JAKMIP2: variants seen among roughly 807,000 people sequenced by gnomAD.
JAKMIP2 encodes the protein janus kinase and microtubule interacting protein 2, also known as janus kinase and microtubule-interacting protein 2.
A neutral mutation model predicts 115.0 loss-of-function variants in JAKMIP2; 25 were observed. The ratio of observed to expected loss-of-function variants is 0.22; its 90% CI spans 0.16 to 0.30. JAKMIP2 has a LOEUF of 0.30. JAKMIP2 is among the 10% of genes least tolerant of loss of function. The probability of loss-of-function intolerance (pLI) is 1.00; values close to 1 mark genes in which losing one functional copy is unlikely to be tolerated. For missense variants in JAKMIP2, 642 were observed against 957.6 expected (o/e 0.67, Z 4.35); for synonymous variants, 334 against 343.6 (o/e 0.97, Z 0.31).
chr5:147,727,704 T>C (rs1753574280), intron 1 of JAKMIP2, among the ~76,000 whole-genome samples: 1 of 152,232 alleles, frequency 6.6e-6, no homozygotes, highest in Admixed American at 6.5e-5. Context: ...AAAAGGATTT[T>C]ATTTTTTAAG....
chr5:147,651,486 A>C (rs1236401576), intron 3 of JAKMIP2, among the ~76,000 whole-genome samples: 1 of 152,146 alleles, frequency 6.6e-6, no homozygotes, highest in Non-Finnish European at 1.5e-5. Flanking sequence ...ACTATATTCT[A>C]TGTGTACATT....
At chr5:147,686,501 G>A (rs1760579519) in intron 1 of JAKMIP2, among the ~76,000 whole-genome samples, 1 of 152,062 alleles carries the variant, frequency 6.6e-6, no homozygotes, top group Non-Finnish European at 1.5e-5. Context: ...TTGCTCTATA[G>A]AAGCAGGGAT....
rs754733807 is a variant in JAKMIP2, at chr5:147,648,382, A to G, written c.930T>C (p.Asn310=). Residue 310 remains asparagine (N), a synonymous_variant, in exon 5 of 22, where the codon AAT becomes AAC. Coordinates refer to ENST00000616793, the MANE Select transcript of JAKMIP2 (RefSeq NM_001270941.2). ...DRNTLLGDER[N]ELLKRVRETE... ...AATTTTTAGTATATCTCACCAGTTC[A>G]TTTCGTTCATCTCCAAGCAAGGTAT... is the stretch of plus-strand genomic sequence containing the variant. 28 of 1,585,706 alleles carry G rather than the reference A, an allele frequency of 1.8e-5. No individual in the cohort carries two copies. Among genetic ancestry groups the G allele is most frequent in the Non-Finnish European group, 2.3e-5 (26 of 1,155,048 alleles).
intron 1 of JAKMIP2, among the ~76,000 whole-genome samples, chr5:147,735,389 T>G (rs1026686308): frequency 1.3e-5 from 2 of 152,150 alleles, no homozygotes; most frequent in East Asian, 3.9e-4. Flanking sequence ...TGACTCACAG[T>G]TCCACATGGC....
At position 147,782,524 on chromosome 5, in the gene JAKMIP2, C is replaced by G. The variant is rs570237011; in HGVS notation, c.-217G>C. The G allele has an allele frequency of 1.1e-5, 16 of 1,514,694 alleles. No homozygotes were observed. Among genetic ancestry groups the G allele is most frequent in the Non-Finnish European group, 1.3e-5 (15 of 1,127,444 alleles). The allele number at this position is 1,514,694 out of a possible 1,614,324, so 93.8% of individuals were successfully genotyped here. A position where few individuals can be genotyped will look rare whatever the true frequency, so the allele number is the denominator to read the frequency against. On this transcript the variant is annotated 5_prime_UTR_variant, in exon 1 of 22. Coordinates refer to ENST00000616793, the MANE Select transcript of JAKMIP2 (RefSeq NM_001270941.2). ...AAACTGAATCCATTTTCCTTGTGAC[C>G]GAGTCGGATGCAGCCTCCGAACCCA... is the stretch of plus-strand genomic sequence containing the variant.
intron 2 of JAKMIP2, among the ~76,000 whole-genome samples, chr5:147,664,862 ATC>A (rs996533347): frequency 2.6e-5 from 4 of 151,828 alleles, no homozygotes; most frequent in African/African-American, 9.7e-5. Context: ...ATGCTGTTAT[ATC>A]TCTCTGGCTA....
chr5:147,731,630 A>G (rs1310901076), intron 1 of JAKMIP2, among the ~76,000 whole-genome samples: 1 of 152,160 alleles, frequency 6.6e-6, no homozygotes, highest in East Asian at 1.9e-4. Flanking sequence ...CTTTTTATCT[A>G]GATTATTTTC....
chr5:147,599,587 G>A (rs913061992), intron 21 of JAKMIP2, among the ~76,000 whole-genome samples: 5 of 152,282 alleles, frequency 3.3e-5, no homozygotes, highest in African/African-American at 1.2e-4. Context: ...CATCCCTCAA[G>A]GAGTTACACA....
intron 14 of JAKMIP2, among the ~76,000 whole-genome samples, chr5:147,630,241 C>T (rs1474872850): frequency 6.6e-6 from 1 of 152,024 alleles, no homozygotes; most frequent in Non-Finnish European, 1.5e-5. Context: ...AGTGCAGTAC[C>T]ATTTTTTTAA....
chr5:147,696,653 A>T (rs1752119182), intron 1 of JAKMIP2, among the ~76,000 whole-genome samples: 3 of 152,312 alleles, frequency 2.0e-5, no homozygotes, highest in Middle Eastern at 3.4e-3. Flanking sequence ...ACTGTGTAAC[A>T]GACAGAAGTT....
At chr5:147,753,105 C>T (rs1259695070) in intron 1 of JAKMIP2, among the ~76,000 whole-genome samples, 1 of 152,114 alleles carries the variant, frequency 6.6e-6, no homozygotes, top group African/African-American at 2.4e-5. Context: ...GATGCTAAAC[C>T]ACAAACTCTC....
At chr5:147,726,310 T>G (rs1345546153) in intron 1 of JAKMIP2, among the ~76,000 whole-genome samples, 1 of 152,168 alleles carries the variant, frequency 6.6e-6, no homozygotes, top group African/African-American at 2.4e-5. Context: ...CTGCTCAGAA[T>G]GGAAGAAGAT....
chr5:147,770,061 A>G (rs762416553), intron 1 of JAKMIP2, among the ~76,000 whole-genome samples: 1 of 152,082 alleles, frequency 6.6e-6, no homozygotes, highest in Non-Finnish European at 1.5e-5. Flanking sequence ...TTTAAAACGT[A>G]TGTATATATG....
At chr5:147,639,812 GT>G (rs1757794964) in intron 9 of JAKMIP2, 52 bp from the exon 10 acceptor site, 2 of 1,580,930 alleles carry the variant, frequency 1.3e-6, no homozygotes, top group Non-Finnish European at 1.7e-6. Flanking sequence ...TTCAGGTCCT[GT>G]TTTCAATGTG....
At chr5:147,657,811 G>A (rs145738218) in intron 3 of JAKMIP2, among the ~76,000 whole-genome samples, 3 of 151,902 alleles carry the variant, frequency 2.0e-5, no homozygotes, top group African/African-American at 4.8e-5. Context: ...CGATACTTGT[G>A]TATGCTTCAC....
At chr5:147,673,981 C>T (rs1280420246) in intron 1 of JAKMIP2, among the ~76,000 whole-genome samples, 3 of 152,154 alleles carry the variant, frequency 2.0e-5, no homozygotes, top group Non-Finnish European at 4.4e-5. Context: ...AAACACTAGA[C>T]TTGTATATAC....
At chr5:147,629,300 T>C (rs867974724) in intron 15 of JAKMIP2, among the ~76,000 whole-genome samples, 1 of 152,194 alleles carries the variant, frequency 6.6e-6, no homozygotes, top group African/African-American at 2.4e-5. Context: ...AGAAAATGCA[T>C]TATAGCCTCC....
At chr5:147,684,489 G>A (rs1760477613) in intron 1 of JAKMIP2, among the ~76,000 whole-genome samples, 1 of 152,152 alleles carries the variant, frequency 6.6e-6, no homozygotes, top group African/African-American at 2.4e-5. Flanking sequence ...TATGATTAAG[G>A]CTGGGAAATG....
At chr5:147,704,659 T>C (rs1040424242) in intron 1 of JAKMIP2, among the ~76,000 whole-genome samples, 1 of 152,172 alleles carries the variant, frequency 6.6e-6, no homozygotes, top group Non-Finnish European at 1.5e-5. Flanking sequence ...GAAAGCCAAC[T>C]GGATTCCCTC....
Sources: gnomAD v4.1 joint callset for allele counts (sites outside exome capture counted in the v4.1 genomes callset) on GRCh38, gnomAD v4.1.1 for gene constraint, MANE v1.5 for transcripts, NCBI Gene and HGNC (gene_info 2026-07-23, HGNC 2026-07-21) for gene names.